ITPR2: variants seen among roughly 807,000 people sequenced by gnomAD.
ITPR2 encodes inositol 1,4,5-trisphosphate receptor type 2.
In ITPR2, 207 loss-of-function variants were observed where a neutral mutation model predicts 317.1. That is an observed-to-expected ratio of 0.65 (90% confidence interval 0.58 to 0.73). The LOEUF (loss-of-function observed/expected upper bound fraction) is 0.73. Among genes scored for constraint, ITPR2 ranks in the 30% least tolerant of loss-of-function variants. The pLI, the probability that ITPR2 is intolerant of heterozygous loss-of-function variation, is 0.00. For synonymous variants in ITPR2, 1,156 were observed against 1,149.1 expected (o/e 1.01, Z -0.12); for missense variants, 2,613 against 3,284.0 (o/e 0.80, Z 4.99).
chr12:26,817,024 C>CA (rs538827025), intron 1 of ITPR2, among the ~76,000 whole-genome samples: 16 of 151,452 alleles, frequency 1.1e-4, no homozygotes, highest in African/African-American at 3.9e-4. Flanking sequence ...CTAAAAAATA[C>CA]AAAAAAATTA....
intron 55 of ITPR2, among the ~76,000 whole-genome samples, chr12:26,345,363 T>C (rs1484458075): frequency 6.6e-6 from 1 of 152,206 alleles, no homozygotes; most frequent in Admixed American, 6.5e-5. Context: ...TACTGAATCC[T>C]AGATATACTA....
At chr12:26,612,519 T>C (rs577048099) in intron 26 of ITPR2, among the ~76,000 whole-genome samples, 16 of 152,360 alleles carry the variant, frequency 1.1e-4, no homozygotes, top group Admixed American at 3.3e-4. Context: ...GGTTATTGCA[T>C]AATACAGATT....
intron 55 of ITPR2, among the ~76,000 whole-genome samples, chr12:26,371,918 T>TA (rs1229499765): frequency 1.3e-5 from 2 of 152,130 alleles, no homozygotes; most frequent in African/African-American, 4.8e-5. Context: ...ATCGGATTTT[T>TA]AAAAAAATCA....
intron 29 of ITPR2, 35 bp from the exon 30 acceptor site, chr12:26,599,380 C>G: frequency 6.3e-7 from 1 of 1,587,562 alleles, no homozygotes; most frequent in Non-Finnish European, 8.7e-7. Flanking sequence ...GTAATTCTGA[C>G]AAGATCAATT....
chr12:26,588,228 C>T (rs1369226295), intron 32 of ITPR2, among the ~76,000 whole-genome samples: 1 of 152,128 alleles, frequency 6.6e-6, no homozygotes. Flanking sequence ...GATTAGCAAA[C>T]AGTGACTATA....
chr12:26,700,613 C>A (rs990917744), intron 9 of ITPR2, among the ~76,000 whole-genome samples: 23 of 152,276 alleles, frequency 1.5e-4, no homozygotes, highest in Non-Finnish European at 2.5e-4. Context: ...TCCCTCCTGC[C>A]TCCATAAAGC....
At chr12:26,728,282 C>T (rs1163432441) in intron 2 of ITPR2, among the ~76,000 whole-genome samples, 2 of 152,048 alleles carry the variant, frequency 1.3e-5, no homozygotes, top group Non-Finnish European at 2.9e-5. Context: ...AAACCAGAGG[C>T]TTAATAATCG....
chr12:26,549,117 A>C (rs925096275), intron 37 of ITPR2, among the ~76,000 whole-genome samples: 2 of 152,216 alleles, frequency 1.3e-5, no homozygotes, highest in African/African-American at 4.8e-5. Flanking sequence ...TTTTAAGAGA[A>C]AGACAACCAA....
At chr12:26,474,832 C>T (rs147384787) in intron 45 of ITPR2, among the ~76,000 whole-genome samples, 2 of 151,714 alleles carry the variant, frequency 1.3e-5, no homozygotes, top group African/African-American at 4.8e-5. Flanking sequence ...AAAGTTTAGC[C>T]TCACACTTCC....
At chr12:26,811,435 C>A (rs1293562679) in intron 1 of ITPR2, among the ~76,000 whole-genome samples, 2 of 150,920 alleles carry the variant, frequency 1.3e-5, no homozygotes, top group Admixed American at 1.3e-4. Context: ...GCGGTGAAAC[C>A]CCATCTCTAC....
chr12:26,342,258 G>T (rs1332517840), intron 55 of ITPR2, among the ~76,000 whole-genome samples: 1 of 152,094 alleles, frequency 6.6e-6, no homozygotes, highest in African/African-American at 2.4e-5. Context: ...GTAGGAAGGA[G>T]GGAGGAGAAC....
chr12:26,594,807 A>G (rs554088708), intron 32 of ITPR2, among the ~76,000 whole-genome samples: 1 of 152,202 alleles, frequency 6.6e-6, no homozygotes, highest in East Asian at 1.9e-4. Context: ...CTTCTTTCTT[A>G]TATTTCTTCA....
At chr12:26,625,827 C>T (rs1345375583) in intron 23 of ITPR2, among the ~76,000 whole-genome samples, 2 of 152,094 alleles carry the variant, frequency 1.3e-5, no homozygotes, top group East Asian at 3.8e-4. Context: ...CCTAAGCTTA[C>T]TATTACTAAA....
At chr12:26,371,067 C>G (rs1939174349) in intron 55 of ITPR2, among the ~76,000 whole-genome samples, 1 of 152,190 alleles carries the variant, frequency 6.6e-6, no homozygotes. Flanking sequence ...TCTCCAGGGA[C>G]CAGGATATCA....
Position 26,671,658 on chromosome 12 carries a change from T to C in ITPR2, c.1410-5607A>G, listed in dbSNP as rs1418459416. ...TGCATCAACTAACGAGCAAAATAAC[T>C]AGCTAACATCATAATGACAGGATCA... On this transcript the variant is annotated intron_variant, in intron 13 of 56. Coordinates refer to ENST00000381340, the MANE Select transcript of ITPR2 (RefSeq NM_002223.4). Among the ~76,000 whole-genome samples the C allele has an allele frequency of 2.6e-5, 4 of 151,300 alleles. No individual in the cohort carries two copies. In the South Asian group the frequency reaches 6.3e-4, roughly 24 times the overall value.
At chr12:26,496,943 C>CA (rs572517736) in intron 37 of ITPR2, among the ~76,000 whole-genome samples, 19,073 of 106,608 alleles carry the variant, frequency 0.18, 1,915 homozygotes, top group Non-Finnish European at 0.26. Flanking sequence ...GACTCCATCT[C>CA]AAAAAAAAAA....
At chr12:26,516,143 A>C (rs1482617882) in intron 37 of ITPR2, among the ~76,000 whole-genome samples, 3 of 132,412 alleles carry the variant, frequency 2.3e-5, no homozygotes, top group Non-Finnish European at 4.8e-5. Context: ...AAGAAAAGAA[A>C]AGACGAAGAA....
chr12:26,566,316 G>A (rs1441679638), intron 34 of ITPR2, among the ~76,000 whole-genome samples: 2 of 137,610 alleles, frequency 1.5e-5, no homozygotes, highest in Non-Finnish European at 3.2e-5. Context: ...GGGAAAAGAA[G>A]AGTGAGAGGA....
intron 32 of ITPR2, among the ~76,000 whole-genome samples, chr12:26,586,214 G>A (rs1009892937): frequency 4.6e-5 from 7 of 151,678 alleles, no homozygotes; most frequent in Non-Finnish European, 8.8e-5. Flanking sequence ...GCATGATCTC[G>A]GCTCACTACA....
Sources: gnomAD v4.1 joint callset for allele counts (sites outside exome capture counted in the v4.1 genomes callset) on GRCh38, gnomAD v4.1.1 for gene constraint, MANE v1.5 for transcripts, NCBI Gene and HGNC (gene_info 2026-07-23, HGNC 2026-07-21) for gene names.